The following KCNK9 variants were observed in gnomAD, a reference collection of about 807,000 sequenced individuals.
KCNK9 encodes the protein potassium two pore domain channel subfamily K member 9.
Under a neutral mutation model 10.8 loss-of-function variants are expected in KCNK9, and 1 was observed. That is an observed-to-expected ratio of 0.09 (90% CI 0.03 to 0.44). KCNK9 has a LOEUF of 0.44. Ranked by LOEUF, KCNK9 falls within the 20% of genes least tolerant of loss-of-function variation. The pLI, the probability that KCNK9 is intolerant of heterozygous loss-of-function variation, is 0.97. For synonymous variants in KCNK9, 231 were observed against 222.7 expected, an observed-to-expected ratio of 1.04 and a Z score of -0.33; for missense variants, 303 against 515.0, an observed-to-expected ratio of 0.59 and a Z score of 3.98.
At chr8:139,644,740 G>A (rs1382514479) in intron 1 of KCNK9, among the ~76,000 whole-genome samples, 1 of 98,210 alleles carries the variant, frequency 1.0e-5, no homozygotes, top group African/African-American at 3.8e-5. Context: ...GCCTCCCACT[G>A]CCCTCTGGCT....
At chr8:139,641,825 G>A (rs1239133660) in intron 1 of KCNK9, among the ~76,000 whole-genome samples, 1 of 152,200 alleles carries the variant, frequency 6.6e-6, no homozygotes, top group Non-Finnish European at 1.5e-5. Flanking sequence ...CTGCAGCAGT[G>A]TGGCTGAGGA....
intron 1 of KCNK9, among the ~76,000 whole-genome samples, chr8:139,682,039 C>A (rs997568467): frequency 1.3e-5 from 2 of 152,200 alleles, no homozygotes; most frequent in Non-Finnish European, 2.9e-5. Context: ...GCAAGTTCAG[C>A]AGGCACCTCG....
chr8:139,619,741 T>G (rs1270688377), intron 1 of KCNK9, among the ~76,000 whole-genome samples: 1 of 152,234 alleles, frequency 6.6e-6, no homozygotes, highest in Non-Finnish European at 1.5e-5. Context: ...AGTTTTCAAC[T>G]GCCAAGAATG....
downstream of KCNK9, among the ~76,000 whole-genome samples, chr8:139,608,601 A>G (rs985769402): frequency 8.7e-6 from 1 of 115,502 alleles, no homozygotes; most frequent in African/African-American, 3.3e-5. Context: ...TGTCCTGTGC[A>G]GGGGCTACTG....
intron 1 of KCNK9, among the ~76,000 whole-genome samples, chr8:139,689,208 T>C (rs941224848): frequency 2.6e-5 from 4 of 152,128 alleles, no homozygotes; most frequent in Non-Finnish European, 4.4e-5. Flanking sequence ...AAAAAAGTAT[T>C]TTCTGCTGCT....
At chr8:139,657,104 T>A (rs1297003237) in intron 1 of KCNK9, among the ~76,000 whole-genome samples, 1 of 152,206 alleles carries the variant, frequency 6.6e-6, no homozygotes, top group Non-Finnish European at 1.5e-5. Flanking sequence ...CTTTTGAGGC[T>A]CAGCTCCAAG....
intron 1 of KCNK9, among the ~76,000 whole-genome samples, chr8:139,639,795 C>A (rs1815446505): frequency 6.6e-6 from 1 of 152,254 alleles, no homozygotes; most frequent in Admixed American, 6.5e-5. Flanking sequence ...ACCTCCCCAG[C>A]CTGCCCACGT....
At chr8:139,610,531 T>C (rs1199677709), downstream of KCNK9, among the ~76,000 whole-genome samples, 2 of 152,194 alleles carry the variant, frequency 1.3e-5, no homozygotes, top group Non-Finnish European at 2.9e-5. Context: ...AAGACCAAGA[T>C]CTTATCCAGA....
chr8:139,693,122 G>A lies in KCNK9; in HGVS notation c.283+9588C>T, dbSNP rs143426820. Among the ~76,000 whole-genome samples, 1,003 of 152,216 alleles carry A rather than the reference G, an allele frequency of 6.6e-3. 1 individual carries two copies. The highest frequency in any genetic ancestry group is 1.0e-2 in the Non-Finnish European group (680 of 68,006). On this transcript the variant is annotated intron_variant, in intron 1 of 1. Coordinates refer to ENST00000520439, the MANE Select transcript of KCNK9 (RefSeq NM_001282534.2). The surrounding 1 kb of genome is among the most constrained non-coding windows in gnomAD (Gnocchi z 4.1). ...CTGACAAACACCACATGTGCGCTGC[G>A]TGCCTGTCAGCTGCAGGTAAAGGCC...
Position 139,618,432 on chromosome 8 carries a change from G to A in KCNK9, c.951C>T (p.Ser317=). 1.2e-6 allele frequency: 2 copies of A among 1,614,150 alleles called. No homozygotes were observed. Among genetic ancestry groups the A allele is most frequent in the Non-Finnish European group, 1.7e-6 (2 of 1,180,026 alleles). The change falls in exon 2 of 2, where the codon TCC becomes TCT. Residue 317 remains serine (S), a synonymous_variant. Coordinates refer to ENST00000520439, the MANE Select transcript of KCNK9 (RefSeq NM_001282534.2). This position sits in a 1 kb window ranked among gnomAD's most constrained non-coding sequence, Gnocchi z 7.9. ...AGTGGGGGGCAAGCTTGGCGCTGAA[G>A]GAGTTCTGCGGTGCCACCGAGCGGC... ...YGGRSVAPQN[S]FSAKLAPHYF...
At chr8:139,609,106 A>ACCCCCCCCCCC (rs1554617339), downstream of KCNK9, among the ~76,000 whole-genome samples, 198 of 123,808 alleles carry the variant, frequency 1.6e-3, no homozygotes, top group African/African-American at 2.2e-3. Flanking sequence ...GACCCATCCC[A>ACCCCCCCCCCC]CCCCACCCCG....
rs73724496 is a variant in KCNK9 at position 139,647,709 on chromosome 8, G to A, written c.284-28610C>T. ...CCAGCCACAGGGTCTCAGGGCCATC[G>A]TAAGGGCTTTGGCTTTCACTCAGAA... On this transcript the variant is annotated intron_variant, in intron 1 of 1. Coordinates refer to ENST00000520439, the MANE Select transcript of KCNK9 (RefSeq NM_001282534.2). Among the ~76,000 whole-genome samples, 1,252 of 152,254 alleles carry A rather than the reference G, an allele frequency of 8.2e-3. 16 individuals are homozygous for A. Among genetic ancestry groups the A allele is most frequent in the African/African-American group, 0.029 (1,198 of 41,534 alleles).
At chr8:139,692,778 C>G (rs555760065) in intron 1 of KCNK9, among the ~76,000 whole-genome samples, 1 of 152,322 alleles carries the variant, frequency 6.6e-6, no homozygotes, top group South Asian at 2.1e-4. Flanking sequence ...AGCTCCCCCC[C>G]ACGTCCAACT....
chr8:139,681,222 G>C (rs1816681463), intron 1 of KCNK9, among the ~76,000 whole-genome samples: 1 of 152,176 alleles, frequency 6.6e-6, no homozygotes, highest in African/African-American at 2.4e-5. Flanking sequence ...GAAACACTAG[G>C]CTCCAAGCTA....
At chr8:139,668,043 G>A (rs959356061) in intron 1 of KCNK9, among the ~76,000 whole-genome samples, 2 of 152,222 alleles carry the variant, frequency 1.3e-5, no homozygotes, top group Non-Finnish European at 2.9e-5. Flanking sequence ...CCTGCAGCAA[G>A]CAAGTCTATT....
At chr8:139,647,759 A>AC (rs1231513475) in intron 1 of KCNK9, among the ~76,000 whole-genome samples, 1 of 53,324 alleles carries the variant, frequency 1.9e-5, no homozygotes, top group African/African-American at 7.9e-5. Context: ...CAGAGTTCTG[A>AC]GCCCTAAGGG....
chr8:139,673,032 T>C (rs566835248), intron 1 of KCNK9, among the ~76,000 whole-genome samples: 1 of 152,166 alleles, frequency 6.6e-6, no homozygotes, highest in Non-Finnish European at 1.5e-5. Flanking sequence ...ACCTACCACG[T>C]GCAGAACGGG....
In KCNK9 at chr8:139,674,123, T is replaced by C. The variant is rs562949201; in HGVS notation, c.283+28587A>G. Among the ~76,000 whole-genome samples the C allele has an allele frequency of 5.3e-4, 80 of 152,228 alleles. 1 individual carries two copies. Among genetic ancestry groups the C allele is most frequent in the African/African-American group, 1.8e-3 (76 of 41,554 alleles). On this transcript the variant is annotated intron_variant, in intron 1 of 1. Transcript: ENST00000520439. ...GGTTTGCATCCCCCCAGAGTTCTTA[T>C]GTTGAAGCCCTAACCCCTAACAGGA...
At chr8:139,657,445 G>A (rs565059106) in intron 1 of KCNK9, among the ~76,000 whole-genome samples, 23 of 152,272 alleles carry the variant, frequency 1.5e-4, no homozygotes, top group African/African-American at 5.1e-4. Flanking sequence ...AGCAGGAGCC[G>A]GGGAGGACCT....
Sources: allele counts gnomAD v4.1 joint callset (sites outside exome capture counted in the v4.1 genomes callset), GRCh38; gene constraint gnomAD v4.1.1; non-coding constraint Gnocchi (gnomAD v3.1); transcripts MANE v1.5; gene names NCBI Gene and HGNC (gene_info 2026-07-23, HGNC 2026-07-21).